The following PAWR variants were observed in gnomAD, a reference collection of about 807,000 sequenced individuals.
PAWR encodes the protein pro-apoptotic WT1 regulator.
In PAWR, 23 loss-of-function variants were observed where a neutral mutation model predicts 32.0. The ratio of observed to expected loss-of-function variants is 0.72; its 90% CI spans 0.52 to 1.02. The LOEUF is 1.02. Ranked by LOEUF, PAWR falls within the 50% of genes least tolerant of loss-of-function variation. PAWR has a pLI of 0.00. For missense variants in PAWR, 457 were observed against 437.7 expected, an observed-to-expected ratio of 1.04 and a Z score of -0.39; for synonymous variants, 226 against 187.1, an observed-to-expected ratio of 1.21 and a Z score of -1.70.
At position 79,634,966 on chromosome 12, in the gene PAWR, C is replaced by T. The variant is rs949426158; in HGVS notation, c.517-13759G>A. Among the ~76,000 whole-genome samples the T allele has an allele frequency of 2.6e-5, 4 of 151,918 alleles. 1 individual carries two copies. Among genetic ancestry groups the T allele is most frequent in the African/African-American group, 7.3e-5 (3 of 41,368 alleles). On this transcript the variant is annotated intron_variant, in intron 2 of 6. Coordinates refer to ENST00000328827, the MANE Select transcript of PAWR (RefSeq NM_002583.4). ...TACACCTCAGTCACTAACAGCAGACCCAGCTTCCCCAAGTCTCATCTATCA... is the reference window on the plus strand; with the variant it reads ...TACACCTCAGTCACTAACAGCAGACTCAGCTTCCCCAAGTCTCATCTATCA...
chr12:79,601,057 G>C (rs1395324567), intron 4 of PAWR, among the ~76,000 whole-genome samples: 3 of 152,000 alleles, frequency 2.0e-5, no homozygotes, highest in Non-Finnish European at 2.9e-5. Flanking sequence ...TGTTAGAGAA[G>C]GTTGAAACGT....
intron 2 of PAWR, among the ~76,000 whole-genome samples, chr12:79,681,114 A>G (rs953098945): frequency 1.6e-5 from 2 of 122,782 alleles, no homozygotes; most frequent in Non-Finnish European, 3.3e-5. Context: ...TGTCTCAGAA[A>G]AAAGGAGAAG....
At chr12:79,640,147 C>G (rs556086034) in intron 2 of PAWR, among the ~76,000 whole-genome samples, 97 of 152,228 alleles carry the variant, frequency 6.4e-4, no homozygotes, top group Admixed American at 1.6e-3. Flanking sequence ...AAGTGATCCT[C>G]CCACCTCAGC....
intron 2 of PAWR, among the ~76,000 whole-genome samples, chr12:79,680,612 T>C (rs553060369): frequency 6.6e-6 from 1 of 152,194 alleles, no homozygotes; most frequent in Non-Finnish European, 1.5e-5. Context: ...CATACCATGA[T>C]GAGTTTCAGG....
intron 2 of PAWR, among the ~76,000 whole-genome samples, chr12:79,668,940 A>G (rs1476542568): frequency 1.3e-5 from 2 of 152,254 alleles, no homozygotes; most frequent in African/African-American, 4.8e-5. Context: ...AAATACAAAC[A>G]TATTTACACA....
At chr12:79,631,146 A>G (rs1158468247) in intron 2 of PAWR, among the ~76,000 whole-genome samples, 1 of 152,160 alleles carries the variant, frequency 6.6e-6, no homozygotes, top group Non-Finnish European at 1.5e-5. Flanking sequence ...AATTCTTAGC[A>G]AACTTAGAAG....
At chr12:79,625,065 G>A (rs1314818919) in intron 2 of PAWR, among the ~76,000 whole-genome samples, 1 of 151,794 alleles carries the variant, frequency 6.6e-6, no homozygotes, top group African/African-American at 2.4e-5. Context: ...TCTCCCAATA[G>A]TTTTCATACT....
intron 2 of PAWR, among the ~76,000 whole-genome samples, chr12:79,665,853 C>T (rs767960674): frequency 1.3e-5 from 2 of 152,102 alleles, no homozygotes; most frequent in African/African-American, 2.4e-5. Context: ...CTCAATATCC[C>T]GTAACAGAGC....
intron 2 of PAWR, among the ~76,000 whole-genome samples, chr12:79,649,385 T>C (rs1409227497): frequency 2.0e-5 from 3 of 152,038 alleles, no homozygotes; most frequent in Admixed American, 2.0e-4. Flanking sequence ...GGTCACTAGA[T>C]ACAAAAACAT....
chr12:79,625,588 A>C (rs963927945), intron 2 of PAWR, among the ~76,000 whole-genome samples: 37 of 151,990 alleles, frequency 2.4e-4, no homozygotes, highest in African/African-American at 8.9e-4. Flanking sequence ...TTGGGAGGCC[A>C]AGGCGGGCAG....
intron 2 of PAWR, among the ~76,000 whole-genome samples, chr12:79,647,313 G>A (rs1876625054): frequency 6.6e-6 from 1 of 152,066 alleles, no homozygotes; most frequent in African/African-American, 2.4e-5. Context: ...TCCTTTAAAT[G>A]TGATTCTGGA....
intron 2 of PAWR, among the ~76,000 whole-genome samples, chr12:79,663,620 T>G (rs894784769): frequency 2.0e-5 from 3 of 151,866 alleles, no homozygotes; most frequent in East Asian, 3.8e-4. Context: ...ATTAGCTGGG[T>G]GTGGTGGCGC....
At chr12:79,640,075 T>C (rs1282279707) in intron 2 of PAWR, among the ~76,000 whole-genome samples, 1 of 152,058 alleles carries the variant, frequency 6.6e-6, no homozygotes, top group Non-Finnish European at 1.5e-5. Flanking sequence ...TGGCTAATTT[T>C]TGTATTTTTA....
chr12:79,666,106 T>C (rs1877589185), intron 2 of PAWR, among the ~76,000 whole-genome samples: 1 of 152,162 alleles, frequency 6.6e-6, no homozygotes, highest in African/African-American at 2.4e-5. Flanking sequence ...AAACTGCATC[T>C]TAATAATTTA....
At chr12:79,615,687 T>C (rs1874695738) in intron 3 of PAWR, among the ~76,000 whole-genome samples, 1 of 152,216 alleles carries the variant, frequency 6.6e-6, no homozygotes, top group South Asian at 2.1e-4. Context: ...GGTTATTTAA[T>C]GTCGAAAGAA....
chr12:79,665,897 A>G (rs1353468049), intron 2 of PAWR, among the ~76,000 whole-genome samples: 2 of 152,248 alleles, frequency 1.3e-5, no homozygotes, highest in South Asian at 2.1e-4. Flanking sequence ...TAATAGTAAT[A>G]TATCTCACAA....
At position 79,592,519 on chromosome 12, in the gene PAWR, T is replaced by C; in HGVS notation, c.*88A>G. 2 of 640,122 alleles carry C rather than the reference T, an allele frequency of 3.1e-6. No individual in the cohort carries two copies. The highest frequency in any genetic ancestry group is 5.5e-6 in the Non-Finnish European group (2 of 363,172). 39.7% of individuals were successfully genotyped at this position (640,122 alleles called of 1,614,324 possible). A position where few individuals can be genotyped will look rare whatever the true frequency, so the allele number is the denominator to read the frequency against. Reference sequence around the variant, plus strand: ...ATACTTGCTTAGTTATTTTAATGTATTGCAGCATAGGAATATTGTGCTAGC... The same window carrying C: ...ATACTTGCTTAGTTATTTTAATGTACTGCAGCATAGGAATATTGTGCTAGC... On this transcript the variant is annotated 3_prime_UTR_variant, in exon 7 of 7. Transcript: ENST00000328827.
intron 2 of PAWR, among the ~76,000 whole-genome samples, chr12:79,670,877 G>GT (rs34293759): frequency 9.2e-4 from 133 of 145,176 alleles, no homozygotes; most frequent in East Asian, 1.4e-3. Flanking sequence ...TTTTTTAGGG[G>GT]TTTTTTTTTT....
At chr12:79,686,708 A>C (rs2136896514) in intron 2 of PAWR, among the ~76,000 whole-genome samples, 1 of 152,314 alleles carries the variant, frequency 6.6e-6, no homozygotes, top group African/African-American at 2.4e-5. Flanking sequence ...ACATATGTAA[A>C]AATATACAAG....
Sources: gnomAD v4.1 joint callset for allele counts (sites outside exome capture counted in the v4.1 genomes callset) on GRCh38, gnomAD v4.1.1 for gene constraint, MANE v1.5 for transcripts, NCBI Gene and HGNC (gene_info 2026-07-23, HGNC 2026-07-21) for gene names.